Variants in FMN1 observed in about 807,000 individuals in gnomAD.
FMN1 encodes formin 1.
Under a neutral mutation model 132.4 loss-of-function variants are expected in FMN1, and 110 were observed. That is an observed-to-expected ratio of 0.83 (90% CI 0.71 to 0.97). The LOEUF is 0.97. FMN1 is among the 50% of genes least tolerant of loss of function. The pLI, the probability that FMN1 is intolerant of heterozygous loss-of-function variation, is 0.00. For synonymous variants in FMN1, 722 were observed against 651.7 expected (o/e 1.11, Z -1.64); for missense variants, 1,792 against 1,705.3 (o/e 1.05, Z -0.90).
chr15:33,026,065 T>TA (rs1303302609), intron 6 of FMN1, among the ~76,000 whole-genome samples: 1 of 151,538 alleles, frequency 6.6e-6, no homozygotes, highest in African/African-American at 2.4e-5. Context: ...GAATGGGGTT[T>TA]AAAAAACCCA....
At chr15:32,802,280 A>T (rs1310612010) in intron 18 of FMN1, among the ~76,000 whole-genome samples, 2 of 152,252 alleles carry the variant, frequency 1.3e-5, no homozygotes, top group Non-Finnish European at 2.9e-5. Context: ...ATTACATCAA[A>T]GAGCCTGTAG....
chr15:32,820,194 C>T (rs1335891114), intron 17 of FMN1, among the ~76,000 whole-genome samples: 1 of 152,038 alleles, frequency 6.6e-6, no homozygotes, highest in East Asian at 1.9e-4. Context: ...ATGATTACAA[C>T]GTGAAGGGTG....
chr15:33,051,659 G>A (rs1221925667), intron 6 of FMN1, among the ~76,000 whole-genome samples: 1 of 152,114 alleles, frequency 6.6e-6, no homozygotes, highest in African/African-American at 2.4e-5. Context: ...TTTTTAGCTG[G>A]TATATGACCT....
At chr15:33,017,414 T>C (rs1475971780) in intron 6 of FMN1, among the ~76,000 whole-genome samples, 8 of 96,114 alleles carry the variant, frequency 8.3e-5, no homozygotes, top group Non-Finnish European at 2.4e-5. Flanking sequence ...CAGTAGACGG[T>C]GAGAGGGAAC....
At chr15:33,033,248 T>C (rs2036028425) in intron 6 of FMN1, among the ~76,000 whole-genome samples, 1 of 152,158 alleles carries the variant, frequency 6.6e-6, no homozygotes, top group Admixed American at 6.5e-5. Flanking sequence ...GCCAGGATAG[T>C]CTTGATCTCC....
intron 9 of FMN1, among the ~76,000 whole-genome samples, chr15:32,930,057 TCGCCTCACTGCAAGCTCTGC>T (rs999865117): frequency 7.0e-6 from 1 of 142,480 alleles, no homozygotes; most frequent in African/African-American, 2.6e-5. Context: ...AGGCTTGATC[TCGCCTCACTGCAAGCTCTGC>T]CTCCCGGGTT....
chr15:33,139,443 A>G (rs1046914152), intron 4 of FMN1, among the ~76,000 whole-genome samples: 1 of 119,740 alleles, frequency 8.4e-6, no homozygotes, highest in African/African-American at 2.6e-5. Context: ...AAAAATACAA[A>G]AAATTAGCCG....
intron 6 of FMN1, among the ~76,000 whole-genome samples, chr15:33,019,416 T>C (rs1024716370): frequency 1.3e-5 from 2 of 152,218 alleles, no homozygotes; most frequent in East Asian, 3.9e-4. Context: ...GGAGCCCAGC[T>C]GGCTTCACCC....
intron 18 of FMN1, among the ~76,000 whole-genome samples, chr15:32,802,780 C>T (rs961806849): frequency 6.6e-6 from 1 of 152,162 alleles, no homozygotes; most frequent in Non-Finnish European, 1.5e-5. Context: ...TTGATAATCT[C>T]TTATGTGCTG....
intron 12 of FMN1, among the ~76,000 whole-genome samples, chr15:32,907,392 T>C (rs564456548): frequency 2.6e-5 from 4 of 152,124 alleles, no homozygotes; most frequent in African/African-American, 7.2e-5. Flanking sequence ...CAGTTCACAA[T>C]AGGGTTTGTG....
chr15:32,821,566 C>T (rs1254682828), intron 17 of FMN1, among the ~76,000 whole-genome samples: 1 of 151,196 alleles, frequency 6.6e-6, no homozygotes, highest in African/African-American at 2.4e-5. Flanking sequence ...AATTCTCTGC[C>T]CCAGCCTCCC....
intron 7 of FMN1, among the ~76,000 whole-genome samples, chr15:32,984,917 CT>C (rs2032958064): frequency 7.1e-6 from 1 of 141,194 alleles, no homozygotes. Flanking sequence ...CGTAGGTCTT[CT>C]TTCACCCCTA....
intron 17 of FMN1, among the ~76,000 whole-genome samples, chr15:32,825,826 C>T (rs73386866): frequency 0.011 from 1,671 of 152,128 alleles, 33 homozygotes; most frequent in African/African-American, 0.038. Flanking sequence ...GCCGGGAGAC[C>T]GTCTCTTATC....
intron 12 of FMN1, among the ~76,000 whole-genome samples, chr15:32,907,716 A>G (rs1484266778): frequency 6.7e-6 from 1 of 150,166 alleles, no homozygotes; most frequent in Non-Finnish European, 1.5e-5. Context: ...CCTGAACTGG[A>G]CAAAAAAAAT....
chr15:32,830,162 A>T (rs1244611075), intron 17 of FMN1, among the ~76,000 whole-genome samples: 2 of 140,472 alleles, frequency 1.4e-5, no homozygotes, highest in African/African-American at 5.2e-5. Flanking sequence ...AAAATAAAGT[A>T]AAAAAAAAAA....
intron 7 of FMN1, among the ~76,000 whole-genome samples, chr15:32,974,769 T>A (rs2032067364): frequency 6.7e-6 from 1 of 148,192 alleles, no homozygotes; most frequent in Non-Finnish European, 1.5e-5. Context: ...CAACACAATA[T>A]CAATGGGTTC....
intron 16 of FMN1, among the ~76,000 whole-genome samples, chr15:32,883,229 G>A (rs1188592717): frequency 6.6e-6 from 1 of 152,168 alleles, no homozygotes; most frequent in Non-Finnish European, 1.5e-5. Context: ...ATCAGGTCCA[G>A]TGGTGGCTCA....
chr15:33,041,033 G>A (rs901186679), intron 6 of FMN1, among the ~76,000 whole-genome samples: 2 of 151,506 alleles, frequency 1.3e-5, no homozygotes, highest in Admixed American at 1.3e-4. Context: ...AAAATGGCCA[G>A]AAAAATCAGC....
At chr15:33,012,633 C>G (rs932145081) in intron 6 of FMN1, 5 of 934,306 alleles carry the variant, frequency 5.4e-6, no homozygotes, top group Non-Finnish European at 8.7e-6. Context: ...CAAATGACCA[C>G]AACTGTGAAG....
Sources: gnomAD v4.1 joint callset for allele counts (sites outside exome capture counted in the v4.1 genomes callset) on GRCh38, gnomAD v4.1.1 for gene constraint, MANE v1.5 for transcripts, NCBI Gene and HGNC (gene_info 2026-07-23, HGNC 2026-07-21) for gene names.